The following RNF38 variants were observed in gnomAD, a reference collection of about 807,000 sequenced individuals.
RNF38 encodes ring finger protein 38.
RNF38 carries 15 observed loss-of-function variants against 67.2 expected under a neutral mutation model. The ratio of observed to expected loss-of-function variants is 0.22; its 90% CI spans 0.15 to 0.34. RNF38 has a LOEUF of 0.34. Among genes scored for constraint, RNF38 ranks in the 10% least tolerant of loss-of-function variants. RNF38 has a pLI of 1.00. For synonymous variants in RNF38, 220 were observed against 218.8 expected, an observed-to-expected ratio of 1.01 and a Z score of -0.05; for missense variants, 524 against 639.9, an observed-to-expected ratio of 0.82 and a Z score of 1.95.
At chr9:36,339,863 A>C (rs1832715502) in intron 11 of RNF38, 49 bp from the exon 12 acceptor site, 1 of 1,418,072 alleles carries the variant, frequency 7.1e-7, no homozygotes. Flanking sequence ...CATACAATGA[A>C]ACACATTCAA....
chr9:36,480,090 T>C (rs1157305490), intron 1 of RNF38, among the ~76,000 whole-genome samples: 1 of 152,134 alleles, frequency 6.6e-6, no homozygotes, highest in Non-Finnish European at 1.5e-5. Flanking sequence ...GTGATTCTCC[T>C]GTCTCAGCCT....
chr9:36,444,781 T>C (rs994779312), intron 1 of RNF38, among the ~76,000 whole-genome samples: 6 of 152,064 alleles, frequency 3.9e-5, no homozygotes, highest in East Asian at 1.9e-4. Flanking sequence ...ACCTGGGAGA[T>C]AGGAGTGAAA....
chr9:36,362,673 CAG>C lies in RNF38; in HGVS notation c.571-4733_571-4732del, dbSNP rs572705527. Among the ~76,000 whole-genome samples the C allele has an allele frequency of 7.3e-4, 111 of 151,740 alleles. 1 individual carries two copies. The highest frequency in any genetic ancestry group is 2.4e-3 in the African/African-American group (101 of 41,362). ...TAACCATTTTTTTTTTCTTTTGAGA[CAG>C]AGTCTTGCTCTGTCACCAGGCAATC... On this transcript the variant is annotated intron_variant, in intron 4 of 11. Transcript: ENST00000259605.
intron 1 of RNF38, among the ~76,000 whole-genome samples, chr9:36,432,779 AAAC>A (rs1003181285): frequency 1.3e-5 from 2 of 152,192 alleles, no homozygotes; most frequent in African/African-American, 4.8e-5. Flanking sequence ...CTCAAAAAAC[AAAC>A]AACAACAAAA....
At chr9:36,428,230 C>G (rs1039582244) in intron 1 of RNF38, among the ~76,000 whole-genome samples, 2 of 151,806 alleles carry the variant, frequency 1.3e-5, no homozygotes, top group Non-Finnish European at 2.9e-5. Context: ...TCCTGGCTAA[C>G]ACGGTGAAAG....
intron 10 of RNF38, among the ~76,000 whole-genome samples, chr9:36,343,303 T>A (rs1225843497): frequency 1.3e-5 from 2 of 152,204 alleles, no homozygotes; most frequent in Non-Finnish European, 2.9e-5. Context: ...TTTTTACACT[T>A]TTTATTATTC....
chr9:36,348,732 A>G (rs1350779673), intron 9 of RNF38, among the ~76,000 whole-genome samples: 2 of 152,248 alleles, frequency 1.3e-5, no homozygotes, highest in Non-Finnish European at 2.9e-5. Flanking sequence ...AAGTATAAGG[A>G]AAGAAGCCAT....
intron 2 of RNF38, among the ~76,000 whole-genome samples, chr9:36,385,062 G>C (rs1255319718): frequency 1.3e-5 from 2 of 152,066 alleles, no homozygotes; most frequent in Admixed American, 1.3e-4. Flanking sequence ...ATTGTTCTAT[G>C]CTATGGTAGG....
At chr9:36,410,029 G>A (rs1442884593) in intron 2 of RNF38, among the ~76,000 whole-genome samples, 2 of 152,070 alleles carry the variant, frequency 1.3e-5, no homozygotes, top group African/African-American at 2.4e-5. Context: ...AGGAGATAAT[G>A]ACATTTTAAA....
intron 1 of RNF38, among the ~76,000 whole-genome samples, chr9:36,399,729 G>A (rs974565487): frequency 6.6e-6 from 1 of 152,000 alleles, no homozygotes; most frequent in Non-Finnish European, 1.5e-5. Flanking sequence ...GTTCCCTGAA[G>A]ATAGGAACAA....
chr9:36,465,433 AC>A (rs1212354344), intron 1 of RNF38, among the ~76,000 whole-genome samples: 1 of 152,068 alleles, frequency 6.6e-6, no homozygotes, highest in Non-Finnish European at 1.5e-5. Flanking sequence ...TGCAACTTCC[AC>A]TACCCAGGTT....
upstream of RNF38, chr9:36,400,975 G>C (rs889398435): frequency 2.2e-5 from 22 of 980,932 alleles, no homozygotes; most frequent in African/African-American, 3.6e-4. Context: ...CCTATGCGCC[G>C]GCGCACTGGC....
At chr9:36,376,991 T>C (rs1488826966) in intron 2 of RNF38, among the ~76,000 whole-genome samples, 1 of 148,450 alleles carries the variant, frequency 6.7e-6, no homozygotes, top group East Asian at 2.0e-4. Context: ...GATAAAGAAA[T>C]AGCAGATTTA....
At chr9:36,394,231 T>C (rs7861024) in intron 1 of RNF38, among the ~76,000 whole-genome samples, 112,330 of 151,516 alleles carry the variant, frequency 0.74, 41,689 homozygotes, top group African/African-American at 0.75. Flanking sequence ...GCCAAGATCG[T>C]GCCACTGCAC....
At position 36,356,667 on chromosome 9, in the gene RNF38, C is replaced by T. The variant is rs73648740; in HGVS notation, c.739-194G>A. ...TAAAGTAATGGTACTAATAACTATTCTGTATTTTATATAATTTTTATAAAT... is the reference window on the plus strand; with the variant it reads ...TAAAGTAATGGTACTAATAACTATTTTGTATTTTATATAATTTTTATAAAT... On this transcript the variant is annotated intron_variant, in intron 5 of 11. Transcript: ENST00000259605. 2.8e-3 allele frequency among the ~76,000 whole-genome samples: 362 copies of T among 130,880 alleles called. 1 individual carries two copies. The highest frequency in any genetic ancestry group is 0.01 in the African/African-American group (348 of 34,564). 85.9% of individuals were successfully genotyped at this position (130,880 alleles called of 152,430 possible). A position where few individuals can be genotyped will look rare whatever the true frequency, so the allele number is the denominator to read the frequency against.
At chr9:36,479,216 T>C (rs1354984134) in intron 1 of RNF38, among the ~76,000 whole-genome samples, 1 of 152,168 alleles carries the variant, frequency 6.6e-6, no homozygotes, top group Non-Finnish European at 1.5e-5. Flanking sequence ...CACTACTTGG[T>C]TGTGCCTAGG....
At chr9:36,411,358 G>A (rs1300155388) in intron 2 of RNF38, among the ~76,000 whole-genome samples, 1 of 152,092 alleles carries the variant, frequency 6.6e-6, no homozygotes, top group Non-Finnish European at 1.5e-5. Context: ...AAACAGTATG[G>A]CAGTTCCTCA....
chr9:36,339,893 C>T (rs1832717227), intron 11 of RNF38, 79 bp from the exon 12 acceptor site: 2 of 1,193,892 alleles, frequency 1.7e-6, no homozygotes, highest in East Asian at 5.0e-5. Context: ...ACTACTTTTA[C>T]TTCCCACAGT....
At chr9:36,360,870 G>C (rs1378575439) in intron 4 of RNF38, among the ~76,000 whole-genome samples, 1 of 152,110 alleles carries the variant, frequency 6.6e-6, no homozygotes, top group Non-Finnish European at 1.5e-5. Flanking sequence ...GAGTGCAGTG[G>C]TGCCATCACG....
Sources: allele counts gnomAD v4.1 joint callset (sites outside exome capture counted in the v4.1 genomes callset), GRCh38; gene constraint gnomAD v4.1.1; transcripts MANE v1.5; gene names NCBI Gene and HGNC (gene_info 2026-07-23, HGNC 2026-07-21).